HSP90AA1: variants seen among roughly 807,000 people sequenced by gnomAD.
The protein encoded by HSP90AA1 is heat shock protein HSP 90-alpha.
HSP90AA1 carries 18 observed loss-of-function variants against 73.3 expected under a neutral mutation model. The ratio of observed to expected loss-of-function variants is 0.25; its 90% CI spans 0.17 to 0.36. The LOEUF is 0.36. Among genes scored for constraint, HSP90AA1 ranks in the 10% least tolerant of loss-of-function variants. The pLI is 1.00. For synonymous variants in HSP90AA1, 477 were observed against 296.9 expected (o/e 1.61, Z -6.24); for missense variants, 704 against 874.2 (o/e 0.81, Z 2.45).
chr14:102,113,313 C>T (rs1041215606), intron 1 of HSP90AA1, among the ~76,000 whole-genome samples: 5 of 151,850 alleles, frequency 3.3e-5, no homozygotes, highest in African/African-American at 9.7e-5. Flanking sequence ...TGTGAGCCAC[C>T]GCGCCCGGCT....
At chr14:102,086,624 C>G (rs368290281) in intron 1 of HSP90AA1, among the ~76,000 whole-genome samples, 2 of 151,672 alleles carry the variant, frequency 1.3e-5, no homozygotes, top group Non-Finnish European at 2.9e-5. Context: ...CGGTCCCCAA[C>G]GAACACCCCG....
chr14:102,086,403 A>C, intron 1 of HSP90AA1, 25 bp from the exon 2 acceptor site: 1 of 1,614,126 alleles, frequency 6.2e-7, no homozygotes. Flanking sequence ...CGCCGGTTTA[A>C]AACCTTGCAG....
chr14:102,110,012 C>A (rs2049618099), intron 1 of HSP90AA1, among the ~76,000 whole-genome samples: 1 of 152,116 alleles, frequency 6.6e-6, no homozygotes, highest in Non-Finnish European at 1.5e-5. Flanking sequence ...CAGTTCATTG[C>A]AAATTCCGCC....
intron 1 of HSP90AA1, among the ~76,000 whole-genome samples, chr14:102,105,693 A>G (rs1435827340): frequency 1.3e-5 from 2 of 152,190 alleles, no homozygotes; most frequent in African/African-American, 4.8e-5. Context: ...AAGGTCATTC[A>G]TTCTGAGATT....
At chr14:102,128,214 G>A (rs913136931) in intron 1 of HSP90AA1, among the ~76,000 whole-genome samples, 1 of 152,160 alleles carries the variant, frequency 6.6e-6, no homozygotes, top group Non-Finnish European at 1.5e-5. Context: ...AGAGGTGGCT[G>A]GGCACGGTGG....
At chr14:102,091,437 A>G (rs1328563473), upstream of HSP90AA1, among the ~76,000 whole-genome samples, 3 of 152,024 alleles carry the variant, frequency 2.0e-5, no homozygotes, top group Non-Finnish European at 4.4e-5. Context: ...AGCCTGGACA[A>G]CATGGTGAAA....
Position 102,105,228 on chromosome 14 carries a change from AAC to A in HSP90AA1, c.156-3145_156-3144del, listed in dbSNP as rs200996626. 1.5e-4 allele frequency among the ~76,000 whole-genome samples: 22 copies of A among 145,822 alleles called. 2 individuals are homozygous for A. Among genetic ancestry groups the A allele is most frequent in the Middle Eastern group, 3.5e-3 (1 of 288 alleles). On this transcript the variant is annotated intron_variant, in intron 1 of 11. Transcript: ENST00000334701. ...TCTCAAAAAAAAAAAACAAAAAAAA[AAC>A]CAAACTTCATTCAACAAACACTGAT... is the stretch of plus-strand genomic sequence containing the variant.
At chr14:102,126,749 C>G (rs1310894983) in intron 1 of HSP90AA1, among the ~76,000 whole-genome samples, 2 of 152,134 alleles carry the variant, frequency 1.3e-5, no homozygotes, top group Non-Finnish European at 2.9e-5. Flanking sequence ...AGAATGGTCT[C>G]GATCTCCTGA....
chr14:102,116,258 C>T (rs971319062), intron 1 of HSP90AA1, among the ~76,000 whole-genome samples: 8 of 152,150 alleles, frequency 5.3e-5, no homozygotes, highest in Non-Finnish European at 7.3e-5. Flanking sequence ...CGGCCAAGAC[C>T]GAGCATCTTT....
exon 1 of HSP90AA1, chr14:102,139,577 C>T (rs1179655146): frequency 6.9e-6 from 5 of 723,090 alleles, no homozygotes; most frequent in Non-Finnish European, 1.1e-5. Context: ...CCGCGGTTCC[C>T]CCTGACCGGC....
At chr14:102,135,074 C>T (rs550628364) in intron 1 of HSP90AA1, among the ~76,000 whole-genome samples, 6 of 152,282 alleles carry the variant, frequency 3.9e-5, no homozygotes, top group African/African-American at 1.4e-4. Context: ...CTGGTGCATT[C>T]ACAAACCTTG....
exon 1 of HSP90AA1, chr14:102,139,340 C>T (rs1209379463): frequency 1.2e-6 from 2 of 1,612,834 alleles, no homozygotes; most frequent in Non-Finnish European, 1.7e-6. Flanking sequence ...CTGGGCGGGA[C>T]AGTCCCTGTC....
chr14:102,087,587 C>T (rs1043265052), upstream of HSP90AA1, among the ~76,000 whole-genome samples: 1 of 152,146 alleles, frequency 6.6e-6, no homozygotes, highest in African/African-American at 2.4e-5. Context: ...GCGCCCGCTG[C>T]CAAAGAATCC....
At chr14:102,099,120 C>A (rs994158857) in intron 2 of HSP90AA1, among the ~76,000 whole-genome samples, 1 of 152,256 alleles carries the variant, frequency 6.6e-6, no homozygotes, top group African/African-American at 2.4e-5. Context: ...TAAGTTCATA[C>A]TTCGAGTGGC....
chr14:102,086,404 A>G, intron 1 of HSP90AA1, 26 bp from the exon 2 acceptor site: 1 of 1,614,108 alleles, frequency 6.2e-7, no homozygotes, highest in Non-Finnish European at 8.5e-7. Flanking sequence ...GCCGGTTTAA[A>G]ACCTTGCAGG....
intron 2 of HSP90AA1, chr14:102,101,731 A>G: frequency 1.4e-6 from 1 of 706,504 alleles, no homozygotes; most frequent in Non-Finnish European, 2.5e-6. Flanking sequence ...ATGTCAATGC[A>G]GTGGATGGGT....
upstream of HSP90AA1, among the ~76,000 whole-genome samples, chr14:102,089,239 C>G (rs2049319996): frequency 6.6e-6 from 1 of 152,062 alleles, no homozygotes; most frequent in South Asian, 2.1e-4. Flanking sequence ...CATTCTTTGT[C>G]CTTTGTTTTG....
intron 1 of HSP90AA1, among the ~76,000 whole-genome samples, chr14:102,133,708 C>T (rs545662126): frequency 6.6e-6 from 1 of 152,142 alleles, no homozygotes; most frequent in South Asian, 2.1e-4. Flanking sequence ...GTCTCGAACT[C>T]CTGACCTCAG....
chr14:102,139,387 G>A (rs1184300146), exon 1 of HSP90AA1: 1 of 1,580,422 alleles, frequency 6.3e-7, no homozygotes, highest in Non-Finnish European at 8.6e-7. Flanking sequence ...AGCCGTCCCC[G>A]CCCGAACACG....
Sources: allele counts gnomAD v4.1 joint callset (sites outside exome capture counted in the v4.1 genomes callset), GRCh38; gene constraint gnomAD v4.1.1; transcripts MANE v1.5; gene names NCBI Gene and HGNC (gene_info 2026-07-23, HGNC 2026-07-21).